TTC29: variants seen among roughly 807,000 people sequenced by gnomAD.
The protein encoded by TTC29 is tetratricopeptide repeat protein 29.
In TTC29, 49 loss-of-function variants were observed where a neutral mutation model predicts 58.1. The observed-to-expected ratio is 0.84, with a 90% CI of 0.67 to 1.07. The LOEUF (loss-of-function observed/expected upper bound fraction) is 1.07. Among genes scored for constraint, TTC29 ranks in the 50% least tolerant of loss-of-function variants. The pLI, the probability that TTC29 is intolerant of heterozygous loss-of-function variation, is 0.00. For synonymous variants in TTC29, 209 were observed against 196.8 expected, an observed-to-expected ratio of 1.06 and a Z score of -0.52; for missense variants, 582 against 555.6, an observed-to-expected ratio of 1.05 and a Z score of -0.48.
intron 4 of TTC29, among the ~76,000 whole-genome samples, chr4:146,936,106 G>A (rs1463210692): frequency 1.3e-5 from 2 of 152,174 alleles, no homozygotes; most frequent in African/African-American, 4.8e-5. Context: ...GAAACTTTAA[G>A]GAGAATATTG....
intron 5 of TTC29, among the ~76,000 whole-genome samples, chr4:146,904,283 G>A (rs948618079): frequency 6.6e-6 from 1 of 152,170 alleles, no homozygotes; most frequent in African/African-American, 2.4e-5. Context: ...ATGCTTTCAA[G>A]CAATGTTTCT....
At chr4:146,803,766 T>A in intron 10 of TTC29, 81 bp from the exon 11 acceptor site, 1 of 1,127,672 alleles carries the variant, frequency 8.9e-7, no homozygotes, top group Non-Finnish European at 1.2e-6. Flanking sequence ...CCCTGGCATG[T>A]CCCACACTGA....
In TTC29 at chr4:146,750,482, G is replaced by A. The variant is rs115615114; in HGVS notation, c.1331-42931C>T. Among the ~76,000 whole-genome samples the A allele has an allele frequency of 4.3e-3, 647 of 152,234 alleles. 3 individuals carry two copies. Among genetic ancestry groups the A allele is most frequent in the African/African-American group, 0.015 (610 of 41,528 alleles). On this transcript the variant is annotated intron_variant, in intron 11 of 12. Transcript: ENST00000325106. ...TATGTTAATCACATATACATCTCTA[G>A]TATGAAGGTTAAAAATAAAAATGAC...
At chr4:146,734,014 T>C (rs983431035) in intron 11 of TTC29, among the ~76,000 whole-genome samples, 3 of 152,174 alleles carry the variant, frequency 2.0e-5, no homozygotes, top group African/African-American at 7.2e-5. Flanking sequence ...AATGGAAACA[T>C]TGGATAACTA....
intron 10 of TTC29, among the ~76,000 whole-genome samples, chr4:146,813,690 A>C (rs990448640): frequency 1.5e-4 from 23 of 152,332 alleles, no homozygotes; most frequent in African/African-American, 5.5e-4. Context: ...TTATACAAAA[A>C]TGAAATAGAG....
chr4:146,848,002 A>T (rs1163034321), intron 8 of TTC29, among the ~76,000 whole-genome samples: 1 of 151,988 alleles, frequency 6.6e-6, no homozygotes, highest in African/African-American at 2.4e-5. Context: ...TCCCCTATGC[A>T]TTTTTTTTAA....
chr4:146,874,959 A>G, intron 6 of TTC29, 31 bp from the exon 7 acceptor site: 1 of 1,578,016 alleles, frequency 6.3e-7, no homozygotes, highest in Non-Finnish European at 8.7e-7. Flanking sequence ...ATAAGTATAA[A>G]CCAGAGGACG....
intron 11 of TTC29, among the ~76,000 whole-genome samples, chr4:146,735,465 A>G (rs1390059154): frequency 1.3e-5 from 2 of 152,168 alleles, no homozygotes; most frequent in African/African-American, 4.8e-5. Context: ...TCGCTACTGA[A>G]CAATCATAAA....
At chr4:146,884,649 T>C (rs1321438668) in intron 6 of TTC29, among the ~76,000 whole-genome samples, 1 of 152,084 alleles carries the variant, frequency 6.6e-6, no homozygotes, top group African/African-American at 2.4e-5. Context: ...GTAGGATTTA[T>C]TTTTTGACTA....
intron 11 of TTC29, among the ~76,000 whole-genome samples, chr4:146,800,694 C>G (rs1750156753): frequency 6.6e-6 from 1 of 152,130 alleles, no homozygotes; most frequent in Non-Finnish European, 1.5e-5. Flanking sequence ...TTAATGCAAA[C>G]TAGTTTATGA....
At chr4:146,854,380 A>G (rs772207769) in intron 8 of TTC29, among the ~76,000 whole-genome samples, 1 of 152,182 alleles carries the variant, frequency 6.6e-6, no homozygotes, top group Admixed American at 6.5e-5. Context: ...AGCAAGAACT[A>G]TGTGACACAT....
At position 146,753,752 on chromosome 4, in the gene TTC29, T is replaced by C. The variant is rs552232569; in HGVS notation, c.1331-46201A>G. On this transcript the variant is annotated intron_variant, in intron 11 of 12. Coordinates refer to ENST00000325106, the MANE Select transcript of TTC29 (RefSeq NM_031956.4). ...AGAAATGATGAGTTCATGTCCTTTG[T>C]AGGGACATGGATGAAGCTGGAAACC... Among the ~76,000 whole-genome samples, 334 of 152,184 alleles carry C rather than the reference T, an allele frequency of 2.2e-3. 3 individuals are homozygous for C. The highest frequency in any genetic ancestry group is 7.7e-3 in the African/African-American group (321 of 41,510).
At chr4:146,942,961 G>A (rs1043964433) in intron 2 of TTC29, 3 of 198,370 alleles carry the variant, frequency 1.5e-5, no homozygotes, top group Admixed American at 1.2e-4. Context: ...AGCCCCCAGA[G>A]GTGCTGATCC....
intron 10 of TTC29, among the ~76,000 whole-genome samples, chr4:146,813,646 A>T (rs1333120864): frequency 1.3e-5 from 2 of 152,188 alleles, no homozygotes; most frequent in East Asian, 3.8e-4. Context: ...TTTGCTTTTA[A>T]AGTTTCAGGA....
chr4:146,848,613 C>T (rs1509337), intron 8 of TTC29, among the ~76,000 whole-genome samples: 2 of 152,152 alleles, frequency 1.3e-5, no homozygotes, highest in Non-Finnish European at 1.5e-5. Context: ...TGCTAGCATT[C>T]TTATAGTAAG....
intron 11 of TTC29, among the ~76,000 whole-genome samples, chr4:146,726,822 T>C (rs1346699589): frequency 6.6e-6 from 1 of 152,040 alleles, no homozygotes; most frequent in Non-Finnish European, 1.5e-5. Context: ...TGTGAAAGAG[T>C]AAAGAAAATA....
At chr4:146,930,262 C>T (rs903762723) in intron 4 of TTC29, among the ~76,000 whole-genome samples, 1 of 151,282 alleles carries the variant, frequency 6.6e-6, no homozygotes, top group Non-Finnish European at 1.5e-5. Context: ...AAAAGCATCT[C>T]CTACAAACTT....
At chr4:146,804,247 AC>A (rs1474555754) in intron 10 of TTC29, among the ~76,000 whole-genome samples, 1 of 152,136 alleles carries the variant, frequency 6.6e-6, no homozygotes, top group Non-Finnish European at 1.5e-5. Flanking sequence ...GGTCTTCGCA[AC>A]CCACAGACCA....
At chr4:146,779,643 G>A (rs1011534224) in intron 11 of TTC29, among the ~76,000 whole-genome samples, 1 of 152,134 alleles carries the variant, frequency 6.6e-6, no homozygotes, top group African/African-American at 2.4e-5. Flanking sequence ...TGAGGTTTTA[G>A]AGCAGGTTAG....
Sources: gnomAD v4.1 joint callset for allele counts (sites outside exome capture counted in the v4.1 genomes callset) on GRCh38, gnomAD v4.1.1 for gene constraint, MANE v1.5 for transcripts, NCBI Gene and HGNC (gene_info 2026-07-23, HGNC 2026-07-21) for gene names.